PAPPA: variants seen among roughly 807,000 people sequenced by gnomAD.
PAPPA encodes the protein pappalysin-1.
Under a neutral mutation model 164.0 loss-of-function variants are expected in PAPPA, and 60 were observed. That is an observed-to-expected ratio of 0.37 (90% CI 0.30 to 0.45). The LOEUF (loss-of-function observed/expected upper bound fraction) is 0.45. PAPPA is among the 20% of genes least tolerant of loss of function. The pLI is 1.00. For missense variants in PAPPA, 1,782 were observed against 2,087.3 expected, an observed-to-expected ratio of 0.85 and a Z score of 2.85; for synonymous variants, 875 against 814.1, an observed-to-expected ratio of 1.07 and a Z score of -1.27.
intron 21 of PAPPA, 30 bp downstream of exon 21, chr9:116,382,523 C>G: frequency 1.5e-6 from 2 of 1,353,348 alleles, no homozygotes; most frequent in Non-Finnish European, 2.1e-6. Context: ...TCGGCAGCTG[C>G]CTCCTGCCCA....
intron 7 of PAPPA, among the ~76,000 whole-genome samples, chr9:116,252,074 C>A (rs927848118): frequency 1.3e-5 from 2 of 152,224 alleles, no homozygotes; most frequent in African/African-American, 4.8e-5. Flanking sequence ...GCCTTGGCTG[C>A]AAACTGTTAG....
chr9:116,362,453 C>A, intron 17 of PAPPA, 139 bp from the exon 18 acceptor site: 1 of 866,390 alleles, frequency 1.2e-6, no homozygotes, highest in Non-Finnish European at 1.7e-6. Context: ...GGTTGAGTTT[C>A]AACCATTGTT....
chr9:116,181,597 A>G (rs1026877175), intron 1 of PAPPA, among the ~76,000 whole-genome samples: 16 of 152,348 alleles, frequency 1.1e-4, no homozygotes, highest in African/African-American at 3.6e-4. Flanking sequence ...GGTGGAACAC[A>G]ATTTCATCCA....
At chr9:116,268,784 T>C (rs1265989442) in intron 8 of PAPPA, among the ~76,000 whole-genome samples, 1 of 148,204 alleles carries the variant, frequency 6.7e-6, no homozygotes, top group African/African-American at 2.5e-5. Flanking sequence ...AGATATCAAA[T>C]ATTTGTTGAT....
chr9:116,304,321 C>T (rs1465394524), intron 10 of PAPPA, among the ~76,000 whole-genome samples: 1 of 152,216 alleles, frequency 6.6e-6, no homozygotes, highest in Non-Finnish European at 1.5e-5. Context: ...CACACACATA[C>T]ACATACATAC....
At chr9:116,293,236 C>A (rs1010531598) in intron 9 of PAPPA, among the ~76,000 whole-genome samples, 1 of 152,044 alleles carries the variant, frequency 6.6e-6, no homozygotes, top group African/African-American at 2.4e-5. Flanking sequence ...ATTTAGGAGA[C>A]GTATAACAGA....
chr9:116,188,335 C>A (rs1468600196), intron 2 of PAPPA, 119 bp downstream of exon 2: 1 of 703,142 alleles, frequency 1.4e-6, no homozygotes, highest in East Asian at 2.7e-5. Flanking sequence ...CAACCAGCAG[C>A]TTCATGATTG....
intron 17 of PAPPA, among the ~76,000 whole-genome samples, chr9:116,354,485 A>G (rs1397511761): frequency 2.0e-5 from 3 of 152,240 alleles, no homozygotes; most frequent in Non-Finnish European, 4.4e-5. Flanking sequence ...GTGTGCAAGG[A>G]TCATCAGCCA....
At chr9:116,354,255 T>C (rs1379986137) in intron 17 of PAPPA, among the ~76,000 whole-genome samples, 1 of 152,172 alleles carries the variant, frequency 6.6e-6, no homozygotes, top group Non-Finnish European at 1.5e-5. Flanking sequence ...AAGGTTTGAA[T>C]TTTATCTCAA....
intron 9 of PAPPA, among the ~76,000 whole-genome samples, chr9:116,275,335 G>A (rs547493914): frequency 6.6e-6 from 1 of 152,300 alleles, no homozygotes; most frequent in South Asian, 2.1e-4. Context: ...AATGTTGCGG[G>A]CACAGGATAC....
At chr9:116,329,056 C>T (rs1362711109) in intron 10 of PAPPA, among the ~76,000 whole-genome samples, 1 of 152,116 alleles carries the variant, frequency 6.6e-6, no homozygotes, top group Non-Finnish European at 1.5e-5. Context: ...AGAATTGAGA[C>T]CTGGCATTTT....
At chr9:116,248,637 T>C (rs1319815755) in intron 7 of PAPPA, among the ~76,000 whole-genome samples, 1 of 152,122 alleles carries the variant, frequency 6.6e-6, no homozygotes, top group African/African-American at 2.4e-5. Context: ...TTTCAAAATG[T>C]TTTGGTGCAT....
intron 1 of PAPPA, among the ~76,000 whole-genome samples, chr9:116,179,861 GCAAAA>G (rs772474089): frequency 1.3e-5 from 2 of 152,122 alleles, no homozygotes; most frequent in Non-Finnish European, 2.9e-5. Context: ...GGAAGGGAAA[GCAAAA>G]CAAAACAAAA....
chr9:116,213,930 A>G (rs183108895), intron 4 of PAPPA, among the ~76,000 whole-genome samples: 2 of 152,270 alleles, frequency 1.3e-5, no homozygotes, highest in African/African-American at 2.4e-5. Flanking sequence ...GGCTATGGAG[A>G]GCCATGCATG....
chr9:116,339,260 T>A (rs1846103084), intron 13 of PAPPA, among the ~76,000 whole-genome samples: 1 of 152,162 alleles, frequency 6.6e-6, no homozygotes, highest in Admixed American at 6.5e-5. Context: ...TTTAAAGAAA[T>A]GAGAAGCTTT....
chr9:116,158,512 T>C lies in PAPPA; in HGVS notation c.415+3925T>C, dbSNP rs775490291. On this transcript the variant is annotated intron_variant, in intron 1 of 21. Transcript: ENST00000328252. ...TGACTTCTCTGGACTTCATTCACCT[T>C]CCTCATGTACAGAGTGATGATGGCA... 3.9e-5 allele frequency among the ~76,000 whole-genome samples: 6 copies of C among 152,322 alleles called. No homozygotes were observed. In the South Asian group the frequency reaches 1.0e-3, roughly 26 times the overall value.
intron 5 of PAPPA, among the ~76,000 whole-genome samples, chr9:116,226,410 G>C (rs562863197): frequency 6.6e-6 from 1 of 152,296 alleles, no homozygotes; most frequent in Non-Finnish European, 1.5e-5. Context: ...CATAAGGAAG[G>C]CTTCAGACCT....
Position 116,211,527 on chromosome 9 carries a change from G to A in PAPPA, c.1625-112G>A, listed in dbSNP as rs192285268. 118 of 866,284 alleles carry A rather than the reference G, an allele frequency of 1.4e-4. No homozygotes were observed. In the East Asian group the frequency reaches 2.8e-3, roughly 20 times the overall value. 53.7% of individuals were successfully genotyped at this position (866,284 alleles called of 1,614,324 possible). On this transcript the variant is annotated intron_variant, in intron 3 of 21. Transcript: ENST00000328252. ...CAGGGCAATGGAGTCCTAGGGTGGA[G>A]AAGCTTGTGTTTATTTTGGGCAGCA...
chr9:116,228,729 C>T (rs2118726707), intron 6 of PAPPA, among the ~76,000 whole-genome samples: 1 of 152,308 alleles, frequency 6.6e-6, no homozygotes, highest in African/African-American at 2.4e-5. Context: ...AGAGGGATGC[C>T]TGGGGTCATC....
Sources: gnomAD v4.1 joint callset for allele counts (sites outside exome capture counted in the v4.1 genomes callset) on GRCh38, gnomAD v4.1.1 for gene constraint, MANE v1.5 for transcripts, NCBI Gene and HGNC (gene_info 2026-07-23, HGNC 2026-07-21) for gene names.